The following PLGRKT variants were observed in gnomAD, a reference collection of about 807,000 sequenced individuals.
The protein encoded by PLGRKT is plasminogen receptor with a C-terminal lysine.
A neutral mutation model predicts 18.5 loss-of-function variants in PLGRKT; 22 were observed. The ratio of observed to expected loss-of-function variants is 1.19; its 90% CI spans 0.85 to 1.70. PLGRKT has a LOEUF of 1.70. PLGRKT is among the 40% of genes most tolerant of loss of function. The pLI is 0.00. For synonymous variants in PLGRKT, 72 were observed against 52.8 expected (o/e 1.36, Z -1.58); for missense variants, 235 against 174.4 (o/e 1.35, Z -1.96).
intron 3 of PLGRKT, among the ~76,000 whole-genome samples, chr9:5,402,088 T>G (rs1385828175): frequency 6.6e-6 from 1 of 152,010 alleles, no homozygotes; most frequent in Non-Finnish European, 1.5e-5. Context: ...TGTTACAGTT[T>G]AATAAACAAT....
At chr9:5,431,873 T>C (rs377208832) in intron 3 of PLGRKT, 24 bp downstream of exon 3, 4 of 1,133,412 alleles carry the variant, frequency 3.5e-6, no homozygotes, top group African/African-American at 3.0e-5. Flanking sequence ...AACAACATAA[T>C]AGCTTAATTA....
intron 3 of PLGRKT, chr9:5,392,215 G>C (rs1229508587): frequency 6.6e-6 from 1 of 151,794 alleles, no homozygotes; most frequent in African/African-American, 2.4e-5. Flanking sequence ...GTACTTTTAG[G>C]ACAAATGGGT....
intron 3 of PLGRKT, among the ~76,000 whole-genome samples, chr9:5,414,774 C>T (rs941715775): frequency 6.6e-6 from 1 of 152,034 alleles, no homozygotes; most frequent in Non-Finnish European, 1.5e-5. Flanking sequence ...TACATGTCTA[C>T]TGGGATTGAA....
At chr9:5,435,658 C>T (rs1214078813) in intron 2 of PLGRKT, among the ~76,000 whole-genome samples, 1 of 152,174 alleles carries the variant, frequency 6.6e-6, no homozygotes, top group Non-Finnish European at 1.5e-5. Context: ...ATTCTTAATC[C>T]AACTGGGTGG....
chr9:5,393,593 A>C (rs1817989804), intron 3 of PLGRKT, among the ~76,000 whole-genome samples: 1 of 151,884 alleles, frequency 6.6e-6, no homozygotes, highest in Admixed American at 6.6e-5. Context: ...CAAGAGAATT[A>C]ACAATCTTAT....
chr9:5,431,726 T>TA (rs1166775656), intron 3 of PLGRKT, among the ~76,000 whole-genome samples, 171 bp downstream of exon 3: 3 of 152,160 alleles, frequency 2.0e-5, no homozygotes, highest in Non-Finnish European at 2.9e-5. Context: ...ATTGGAGATT[T>TA]AAATTAGCCC....
At chr9:5,398,855 T>C (rs969980618) in intron 3 of PLGRKT, among the ~76,000 whole-genome samples, 2 of 151,814 alleles carry the variant, frequency 1.3e-5, no homozygotes, top group African/African-American at 4.9e-5. Context: ...ATGTATTATT[T>C]TGAGCTAAAA....
chr9:5,378,582 G>C (rs979977928), intron 3 of PLGRKT, among the ~76,000 whole-genome samples: 6 of 152,194 alleles, frequency 3.9e-5, no homozygotes, highest in Non-Finnish European at 5.9e-5. Context: ...GTGACTGCAA[G>C]GGGTTGGGAT....
intron 3 of PLGRKT, among the ~76,000 whole-genome samples, chr9:5,397,622 G>T (rs1055975142): frequency 2.6e-5 from 4 of 151,638 alleles, no homozygotes; most frequent in African/African-American, 9.8e-5. Context: ...GAAAAGGGAG[G>T]GAAGAGGGGA....
intron 2 of PLGRKT, among the ~76,000 whole-genome samples, chr9:5,435,496 T>C (rs549599508): frequency 6.6e-6 from 1 of 152,266 alleles, no homozygotes; most frequent in East Asian, 1.9e-4. Flanking sequence ...CTCTCCAAGA[T>C]AGCATGTACT....
intron 3 of PLGRKT, among the ~76,000 whole-genome samples, chr9:5,424,000 T>C: frequency 6.9e-6 from 1 of 145,224 alleles, no homozygotes; most frequent in Admixed American, 6.9e-5. Flanking sequence ...AATATATATG[T>C]ATTTATTTCA....
chr9:5,418,807 G>C lies in PLGRKT; in HGVS notation c.81+13090C>G. 1.1e-6 allele frequency: 1 copy of C among 937,410 alleles called. No homozygotes were observed. Among genetic ancestry groups the C allele is most frequent in the Non-Finnish European group, 1.7e-6 (1 of 585,834 alleles). The allele number at this position is 937,410 out of a possible 1,614,324, so 58.1% of individuals were successfully genotyped here. On this transcript the variant is annotated intron_variant, in intron 3 of 5. Coordinates refer to ENST00000223864, the MANE Select transcript of PLGRKT (RefSeq NM_018465.4). The surrounding 1 kb of genome is among the most constrained non-coding windows in gnomAD (Gnocchi z 4.2). ...CACGGAGAAGTCAGGGGGCAGCTTGGTGACACCGCTGCACCAGGGGCATCG... is the reference window on the plus strand; with the variant it reads ...CACGGAGAAGTCAGGGGGCAGCTTGCTGACACCGCTGCACCAGGGGCATCG...
intron 3 of PLGRKT, among the ~76,000 whole-genome samples, chr9:5,399,873 C>A (rs1210409824): frequency 4.6e-5 from 7 of 151,596 alleles, no homozygotes; most frequent in Admixed American, 2.6e-4. Flanking sequence ...CGCCTGTCAT[C>A]CCAGCTACTC....
At chr9:5,431,417 C>G (rs2131176893) in intron 3 of PLGRKT, among the ~76,000 whole-genome samples, 1 of 151,778 alleles carries the variant, frequency 6.6e-6, no homozygotes, top group South Asian at 2.1e-4. Context: ...GCCTGCAATC[C>G]CAGCTACTAG....
rs146789267 is a variant in PLGRKT at position 5,387,151 on chromosome 9, A to C, written c.82-25263T>G. Among the ~76,000 whole-genome samples the C allele has an allele frequency of 3.0e-4, 45 of 152,002 alleles. No homozygotes were observed. The East Asian group carries it at 4.0e-3, about 14-fold the overall frequency. On this transcript the variant is annotated intron_variant, in intron 3 of 5. Transcript: ENST00000223864. ...TCTACTTCTAAGGAGCTCCAATGTCAATGCTTTTAGAAAATGGACCATATT... is the reference window on the plus strand; with the variant it reads ...TCTACTTCTAAGGAGCTCCAATGTCCATGCTTTTAGAAAATGGACCATATT...
Position 5,358,031 on chromosome 9 carries a change from A to G in PLGRKT, c.*208T>C, listed in dbSNP as rs879427674. On this transcript the variant is annotated 3_prime_UTR_variant, in exon 6 of 6. Transcript: ENST00000223864. ...TTAGATATTGGTAATGCACACAGAG[A>G]GAGGAAATCTAAAAGTTATTTAGAG... 7 of 421,156 alleles carry G rather than the reference A, an allele frequency of 1.7e-5. No homozygotes were observed. The highest frequency in any genetic ancestry group is 3.8e-5 in the Admixed American group (1 of 25,992). The allele number at this position is 421,156 out of a possible 1,614,324, so 26.1% of individuals were successfully genotyped here.
chr9:5,414,269 C>T (rs572870942), intron 3 of PLGRKT, among the ~76,000 whole-genome samples: 19 of 152,250 alleles, frequency 1.2e-4, no homozygotes, highest in African/African-American at 3.9e-4. Flanking sequence ...CAGATCCAAG[C>T]GATTCTGCTG....
chr9:5,418,746 G>A lies in PLGRKT; in HGVS notation c.81+13151C>T. ...GCTCCGAAGCGTGTGGAATGGTGATGACAGCCAGGACCTCGGGGTCGTCGA... is the reference window on the plus strand; with the variant it reads ...GCTCCGAAGCGTGTGGAATGGTGATAACAGCCAGGACCTCGGGGTCGTCGA... On this transcript the variant is annotated intron_variant, in intron 3 of 5. Coordinates refer to ENST00000223864, the MANE Select transcript of PLGRKT (RefSeq NM_018465.4). The surrounding 1 kb of genome is among the most constrained non-coding windows in gnomAD (Gnocchi z 4.2). 2.9e-6 allele frequency: 2 copies of A among 689,140 alleles called. No individual in the cohort carries two copies. Among genetic ancestry groups the A allele is most frequent in the Non-Finnish European group, 5.3e-6 (2 of 379,466 alleles). The allele number at this position is 689,140 out of a possible 1,614,324, so 42.7% of individuals were successfully genotyped here.
intron 3 of PLGRKT, among the ~76,000 whole-genome samples, chr9:5,409,060 C>T (rs985358717): frequency 6.6e-6 from 1 of 152,194 alleles, no homozygotes; most frequent in Admixed American, 6.5e-5. Flanking sequence ...CAGAAGCCTG[C>T]TGCAGGGGGA....
Sources: gnomAD v4.1 joint callset for allele counts (sites outside exome capture counted in the v4.1 genomes callset) on GRCh38, gnomAD v4.1.1 for gene constraint, Gnocchi (gnomAD v3.1) non-coding constraint, MANE v1.5 for transcripts, NCBI Gene and HGNC (gene_info 2026-07-23, HGNC 2026-07-21) for gene names.